MICALL1: variants seen among roughly 807,000 people sequenced by gnomAD.
The protein encoded by MICALL1 is MICAL like 1, also known as MICAL-like protein 1.
In MICALL1, 61 loss-of-function variants were observed where a neutral mutation model predicts 83.7. That is an observed-to-expected ratio of 0.73 (90% CI 0.59 to 0.90). The LOEUF is 0.90. Among genes scored for constraint, MICALL1 ranks in the 40% least tolerant of loss-of-function variants. The pLI is 0.00. For missense variants in MICALL1, 1,066 were observed against 1,152.0 expected (o/e 0.93, Z 1.08); for synonymous variants, 481 against 473.6 (o/e 1.02, Z -0.20).
chr22:37,911,984 T>C lies in MICALL1; in HGVS notation c.179T>C (p.Phe60Ser). 6.2e-7 allele frequency: 1 copy of C among 1,614,190 alleles called. No homozygotes were observed. Among genetic ancestry groups the C allele is most frequent in the Non-Finnish European group, 8.5e-7 (1 of 1,180,036 alleles). The change falls in exon 2 of 16, where the codon TTC becomes TCC. Residue 60 changes from phenylalanine (F) to serine (S), a missense_variant. Coordinates refer to ENST00000215957, the MANE Select transcript of MICALL1 (RefSeq NM_033386.4). ...DFDSLSKDNV[F>S]ENNRLAFEVA... ...GATTCGCTTTCCAAGGACAATGTCT[T>C]CGAGAATAACCGTTTGGTAAGTTCC...
At chr22:37,916,519 G>A (rs985044944) in intron 3 of MICALL1, among the ~76,000 whole-genome samples, 2 of 152,178 alleles carry the variant, frequency 1.3e-5, no homozygotes, top group African/African-American at 4.8e-5. Context: ...TGGGCGAGTG[G>A]AGGCATTTCA....
chr22:37,920,383 C>G (rs1928949885), intron 5 of MICALL1, among the ~76,000 whole-genome samples: 1 of 151,982 alleles, frequency 6.6e-6, no homozygotes, highest in Non-Finnish European at 1.5e-5. Flanking sequence ...TGGAACCTGA[C>G]CGCAGAATTG....
At chr22:37,938,708 G>A (rs1286776535) in intron 15 of MICALL1, among the ~76,000 whole-genome samples, 1 of 148,218 alleles carries the variant, frequency 6.7e-6, no homozygotes, top group Non-Finnish European at 1.5e-5. Flanking sequence ...CTCAACCTCC[G>A]CCTCCCAAGT....
rs1395889317 is a variant in MICALL1, at chr22:37,930,105, C to T, written c.1882-1694C>T. Reference sequence around the variant, plus strand: ...CGGGGGTGGGTCACCTTCGGATTCTCGTGTTTCGTGTCCTGGGCTGCGTGA... The same window carrying T: ...CGGGGGTGGGTCACCTTCGGATTCTTGTGTTTCGTGTCCTGGGCTGCGTGA... On this transcript the variant is annotated intron_variant, in intron 9 of 15. Coordinates refer to ENST00000215957, the MANE Select transcript of MICALL1 (RefSeq NM_033386.4). This position sits in a 1 kb window ranked among gnomAD's most constrained non-coding sequence, Gnocchi z 4.8. Among the ~76,000 whole-genome samples the T allele has an allele frequency of 3.9e-5, 6 of 152,174 alleles. No individual in the cohort carries two copies. The highest frequency in any genetic ancestry group is 5.9e-5 in the Non-Finnish European group (4 of 68,040).
At chr22:37,912,695 C>T (rs1928412188) in intron 3 of MICALL1, among the ~76,000 whole-genome samples, 1 of 147,236 alleles carries the variant, frequency 6.8e-6, no homozygotes, top group South Asian at 2.1e-4. Context: ...GAGATGGAGT[C>T]TTGCCCTGTC....
intron 14 of MICALL1, among the ~76,000 whole-genome samples, chr22:37,937,418 C>CTTTTTTTTTT (rs34844677): frequency 8.8e-6 from 1 of 113,404 alleles, no homozygotes; most frequent in African/African-American, 3.2e-5. Context: ...GCTGCCGCTG[C>CTTTTTTTTTT]TTTTTTTTTT....
intron 13 of MICALL1, among the ~76,000 whole-genome samples, chr22:37,933,846 G>C (rs941146744): frequency 2.0e-5 from 3 of 152,254 alleles, no homozygotes; most frequent in African/African-American, 7.2e-5. Flanking sequence ...CAAGGGACTT[G>C]GCTGTTGGTG....
At chr22:37,938,264 T>C (rs946939199) in intron 15 of MICALL1, among the ~76,000 whole-genome samples, 7 of 151,724 alleles carry the variant, frequency 4.6e-5, no homozygotes, top group African/African-American at 1.7e-4. Context: ...TAGTCAGGCG[T>C]GGTGGCGAGA....
intron 1 of MICALL1, among the ~76,000 whole-genome samples, chr22:37,908,744 G>A (rs752243681): frequency 1.1e-4 from 16 of 152,230 alleles, no homozygotes; most frequent in Non-Finnish European, 2.4e-4. Context: ...TAGGGGAAAC[G>A]TGTATAAACG....
At chr22:37,931,654 C>T (rs141974364) in intron 9 of MICALL1, 145 bp from the exon 10 acceptor site, 52 of 905,104 alleles carry the variant, frequency 5.7e-5, no homozygotes, top group African/African-American at 3.7e-4. Flanking sequence ...GCATCAGAGA[C>T]GGAATTCAAG....
rs1306829282 is a variant in MICALL1, at chr22:37,930,027, C to T, written c.1882-1772C>T. 1.3e-5 allele frequency among the ~76,000 whole-genome samples: 2 copies of T among 152,236 alleles called. No individual in the cohort carries two copies. Among genetic ancestry groups the T allele is most frequent in the African/African-American group, 2.4e-5 (1 of 41,462 alleles). The stretch of plus-strand genomic sequence containing the variant: ...CACAGATGGTGAGGGGCTGGCGGCA[C>T]CAAGTGTCCTGAGTGCTCGAAAGAC... On this transcript the variant is annotated intron_variant, in intron 9 of 15. Coordinates refer to ENST00000215957, the MANE Select transcript of MICALL1 (RefSeq NM_033386.4). This position sits in a 1 kb window ranked among gnomAD's most constrained non-coding sequence, Gnocchi z 4.8.
In MICALL1 at chr22:37,925,651, C is replaced by G. The variant is rs775549716; in HGVS notation, c.1083-10C>G. 1.3e-6 allele frequency: 2 copies of G among 1,591,172 alleles called. No individual in the cohort carries two copies. The highest frequency in any genetic ancestry group is 1.7e-6 in the Non-Finnish European group (2 of 1,165,844). On this transcript the variant is annotated splice_polypyrimidine_tract_variant and intron_variant, in intron 7 of 15. Transcript: ENST00000215957. The stretch of plus-strand genomic sequence containing the variant: ...TGCTAATGGTTTCTGCTGCTTCCCC[C>G]CTCCTCCAGGACACCAGCCCCCAGG...
At chr22:37,938,558 A>G (rs1361816759) in intron 15 of MICALL1, among the ~76,000 whole-genome samples, 3 of 150,406 alleles carry the variant, frequency 2.0e-5, no homozygotes, top group African/African-American at 2.4e-5. Context: ...GGTTCAAGCA[A>G]TTCTCCTGTC....
rs1929835007 is a variant in MICALL1, at chr22:37,932,368, A to G, written c.2017-185A>G. On this transcript the variant is annotated intron_variant, in intron 10 of 15. Coordinates refer to ENST00000215957, the MANE Select transcript of MICALL1 (RefSeq NM_033386.4). The surrounding 1 kb of genome is among the most constrained non-coding windows in gnomAD (Gnocchi z 4.4). ...GTCTGTTGGTGCTGGGACCAGTGGC[A>G]TGCAGGGTTGTGGCTGTCCCCACAC... 6.6e-6 allele frequency among the ~76,000 whole-genome samples: 1 copy of G among 152,152 alleles called. No homozygotes were observed. The highest frequency in any genetic ancestry group is 1.5e-5 in the Non-Finnish European group (1 of 68,024).
At chr22:37,928,737 C>T (rs1047189747) in intron 9 of MICALL1, among the ~76,000 whole-genome samples, 6 of 152,160 alleles carry the variant, frequency 3.9e-5, no homozygotes, top group Admixed American at 3.3e-4. Context: ...TATTTGGGTT[C>T]CACTCACCAG....
chr22:37,909,949 G>T (rs968018572), intron 1 of MICALL1, among the ~76,000 whole-genome samples: 1 of 152,234 alleles, frequency 6.6e-6, no homozygotes, highest in Non-Finnish European at 1.5e-5. Context: ...TGAACCCAGT[G>T]TTGGCCCAGG....
At chr22:37,912,295 G>A (rs1258288093) in intron 2 of MICALL1, 56 bp from the exon 3 acceptor site, 53 of 1,557,824 alleles carry the variant, frequency 3.4e-5, no homozygotes, top group Middle Eastern at 1.8e-4. Flanking sequence ...GCCCCCTAAC[G>A]CCTCCTCCTC....
chr22:37,924,687 A>T lies in MICALL1; in HGVS notation c.1052A>T (p.Lys351Met), dbSNP rs780843157. 2 of 1,612,286 alleles carry T rather than the reference A, an allele frequency of 1.2e-6. No homozygotes were observed. Among genetic ancestry groups the T allele is most frequent in the South Asian group, 2.2e-5 (2 of 90,836 alleles). The change falls in exon 7 of 16, where the codon AAG becomes ATG. Residue 351 changes from lysine to methionine, a missense_variant. Physicochemically the swap from Lys to Met is moderately conservative, Grantham distance 95. Coordinates refer to ENST00000215957, the MANE Select transcript of MICALL1 (RefSeq NM_033386.4). The surrounding 1 kb of genome is among the most constrained non-coding windows in gnomAD (Gnocchi z 5.2). The stretch of plus-strand genomic sequence containing the variant: ...AGACTGCACGAACTGCCTGTCCCCA[A>T]GCCGAGGGGGACACCGAAGCCGTCC... ...NGRLHELPVP[K>M]PRGTPKPSEG...
intron 8 of MICALL1, 102 bp downstream of exon 8, chr22:37,926,145 C>A: frequency 7.2e-7 from 1 of 1,391,064 alleles, no homozygotes; most frequent in Non-Finnish European, 9.6e-7. Context: ...GGCCAGGCAC[C>A]ACGTGTTTCA....
Sources: gnomAD v4.1 joint callset for allele counts (sites outside exome capture counted in the v4.1 genomes callset) on GRCh38, gnomAD v4.1.1 for gene constraint, Gnocchi (gnomAD v3.1) non-coding constraint, MANE v1.5 for transcripts, NCBI Gene and HGNC (gene_info 2026-07-23, HGNC 2026-07-21) for gene names.